COL11A1: variants seen among roughly 807,000 people sequenced by gnomAD.
COL11A1 encodes collagen type XI alpha 1 chain.
COL11A1 carries 74 observed loss-of-function variants against 265.2 expected under a neutral mutation model. The observed-to-expected ratio is 0.28, with a 90% CI of 0.23 to 0.34. The LOEUF (loss-of-function observed/expected upper bound fraction) is 0.34, where lower values mean the gene tolerates loss of function less well. COL11A1 is among the 10% of genes least tolerant of loss of function. The pLI, the probability that COL11A1 is intolerant of heterozygous loss-of-function variation, is 1.00. For missense variants in COL11A1, 2,165 were observed against 2,263.6 expected (o/e 0.96, Z 0.88); for synonymous variants, 816 against 727.6 (o/e 1.12, Z -1.96).
intron 44 of COL11A1, among the ~76,000 whole-genome samples, chr1:102,936,468 T>C (rs1658157953): frequency 6.6e-6 from 1 of 152,148 alleles, no homozygotes; most frequent in Non-Finnish European, 1.5e-5. Context: ...TGTTATTCAA[T>C]ATAAAGGAAG....
rs188974050 is a variant in COL11A1 at position 102,971,259 on chromosome 1, G to A, written c.2809-987C>T. ...TATAAAGGATGCTGTCTTTGTCATG[G>A]CTTAAGAAATAAATGAAGCAATTAA... On this transcript the variant is annotated intron_variant, in intron 36 of 66. Coordinates refer to ENST00000370096, the MANE Select transcript of COL11A1 (RefSeq NM_001854.4). Among the ~76,000 whole-genome samples the A allele has an allele frequency of 1.7e-3, 260 of 152,216 alleles. 1 individual carries two copies. Among genetic ancestry groups the A allele is most frequent in the African/African-American group, 5.5e-3 (230 of 41,540 alleles).
At position 103,015,689 on chromosome 1, in the gene COL11A1, A is replaced by C; in HGVS notation, c.1467T>G (p.Pro489=). Residue 489 remains proline, a synonymous_variant, in exon 12 of 67, where the codon CCT becomes CCG. Coordinates refer to ENST00000370096, the MANE Select transcript of COL11A1 (RefSeq NM_001854.4). ...LPGADGLPGP[P]GTMLMLPFRY... is the part of the protein sequence containing the mutation. ...ATACCGGTAACATCAACATAGTACC[A>C]GGAGGACCAGGTAGACCATCAGCCC... 1 of 1,609,126 alleles carries C rather than the reference A, an allele frequency of 6.2e-7. No individual in the cohort carries two copies. The highest frequency in any genetic ancestry group is 1.7e-5 in the Admixed American group (1 of 59,624).
At chr1:102,933,261 T>C (rs1657714008) in intron 46 of COL11A1, among the ~76,000 whole-genome samples, 1 of 128,264 alleles carries the variant, frequency 7.8e-6, no homozygotes, top group Admixed American at 8.5e-5. Flanking sequence ...GATGTACAGA[T>C]GGGTTTTTGG....
chr1:102,986,536 TTAAAG>T (rs1226825052), intron 30 of COL11A1, among the ~76,000 whole-genome samples: 3 of 152,020 alleles, frequency 2.0e-5, no homozygotes, highest in South Asian at 2.1e-4. Context: ...ACGTTGTGCA[TTAAAG>T]TATAGTAAAA....
Position 102,887,005 on chromosome 1 carries a change from T to A in COL11A1, c.4660A>T (p.Thr1554Ser). ...QPLPILSSKK[T>S]RRHTEGMQAD... ...TGCATGCCTTCAGTATGTCTTCTCGTTTTTTTGGAGGACAAGATTGGTAAA... is the reference window on the plus strand; with the variant it reads ...TGCATGCCTTCAGTATGTCTTCTCGATTTTTTGGAGGACAAGATTGGTAAA... The change falls in exon 63 of 67, where the codon ACG becomes TCG. Residue 1554 changes from threonine (T) to serine (S), a missense_variant. Transcript: ENST00000370096. 1 of 1,613,806 alleles carries A rather than the reference T, an allele frequency of 6.2e-7. No individual in the cohort carries two copies. The highest frequency in any genetic ancestry group is 8.5e-7 in the Non-Finnish European group (1 of 1,179,794).
intron 61 of COL11A1, 33 bp downstream of exon 61, chr1:102,888,690 C>G (rs747193455): frequency 1.9e-6 from 3 of 1,613,614 alleles, no homozygotes; most frequent in African/African-American, 2.7e-5. Context: ...GGTTTCAATG[C>G]AAAATTAAAT....
chr1:102,913,503 T>C (rs1296322877), intron 53 of COL11A1, 134 bp downstream of exon 53: 1 of 780,516 alleles, frequency 1.3e-6, no homozygotes, highest in Non-Finnish European at 2.1e-6. Context: ...ATTCAAAAAT[T>C]TTTTTGATAA....
intron 9 of COL11A1, 152 bp from the exon 10 acceptor site, chr1:103,019,011 G>A: frequency 3.2e-6 from 2 of 627,832 alleles, no homozygotes; most frequent in Non-Finnish European, 2.8e-6. Context: ...TTTGCACAGG[G>A]AAGGAAAGAA....
intron 20 of COL11A1, 130 bp from the exon 21 acceptor site, chr1:103,003,398 G>T: frequency 1.0e-6 from 1 of 961,226 alleles, no homozygotes; most frequent in Non-Finnish European, 1.6e-6. Context: ...TTAACACACT[G>T]AAAGTGATGT....
At chr1:102,989,593 T>TTTTTTTTTTTTTTTC in intron 28 of COL11A1, 22 bp from the exon 29 acceptor site, 1 of 1,565,218 alleles carries the variant, frequency 6.4e-7, no homozygotes, top group Non-Finnish European at 8.8e-7. Context: ...TAAAAGGAAT[T>TTTTTTTTTTTTTTTC]AAATAGGAGT....
chr1:102,950,651 A>G (rs1310471628), intron 41 of COL11A1, among the ~76,000 whole-genome samples: 1 of 152,146 alleles, frequency 6.6e-6, no homozygotes, highest in Non-Finnish European at 1.5e-5. Flanking sequence ...TCACTTCTGA[A>G]TATTTGGTCA....
intron 1 of COL11A1, among the ~76,000 whole-genome samples, chr1:103,098,072 A>C (rs533209312): frequency 6.6e-6 from 1 of 151,912 alleles, no homozygotes; most frequent in Admixed American, 6.6e-5. Flanking sequence ...AAGGCTGTTA[A>C]AAAAAAGATG....
intron 36 of COL11A1, among the ~76,000 whole-genome samples, chr1:102,973,051 G>A (rs950672469): frequency 6.6e-6 from 1 of 151,870 alleles, no homozygotes; most frequent in African/African-American, 2.4e-5. Flanking sequence ...TAATTTACAG[G>A]AAGAGGTTTT....
At chr1:102,908,606 G>A (rs779259367) in intron 54 of COL11A1, among the ~76,000 whole-genome samples, 29 of 152,086 alleles carry the variant, frequency 1.9e-4, no homozygotes, top group Non-Finnish European at 2.5e-4. Flanking sequence ...ATTTCTCCCA[G>A]CAGAATTTTT....
intron 48 of COL11A1, 85 bp downstream of exon 48, chr1:102,921,433 G>T: frequency 9.0e-7 from 1 of 1,114,934 alleles, no homozygotes; most frequent in Non-Finnish European, 1.3e-6. Flanking sequence ...GTTTAATATT[G>T]TTATAACTCA....
chr1:102,967,235 T>A (rs865939113), intron 37 of COL11A1, among the ~76,000 whole-genome samples: 17 of 72,320 alleles, frequency 2.4e-4, no homozygotes, highest in South Asian at 6.1e-4. Context: ...TTCTTTTTTT[T>A]TTTTTTTTTT....
At chr1:102,963,621 A>AT (rs1275560292) in intron 38 of COL11A1, among the ~76,000 whole-genome samples, 5 of 152,072 alleles carry the variant, frequency 3.3e-5, no homozygotes, top group Non-Finnish European at 7.4e-5. Flanking sequence ...AAGTATAAAT[A>AT]TTTTTTTCCT....
intron 54 of COL11A1, among the ~76,000 whole-genome samples, chr1:102,902,094 A>G (rs1006042749): frequency 2.0e-5 from 3 of 152,174 alleles, no homozygotes; most frequent in African/African-American, 7.2e-5. Flanking sequence ...TTGATGAGAG[A>G]GGGATGGCTT....
At position 102,998,283 on chromosome 1, in the gene COL11A1, T is replaced by A. The variant is rs768683939; in HGVS notation, c.2196+27A>T. On this transcript the variant is annotated intron_variant, in intron 25 of 66. Transcript: ENST00000370096. Reference sequence around the variant, plus strand: ...ATTTTTAAAGATAATGTAAAGAAATTTTAATGACCAGGTAGCTGTTACTTA... The same window carrying A: ...ATTTTTAAAGATAATGTAAAGAAATATTAATGACCAGGTAGCTGTTACTTA... 16 of 1,589,292 alleles carry A rather than the reference T, an allele frequency of 1.0e-5. No homozygotes were observed. In the African/African-American group the frequency reaches 2.2e-4, roughly 21 times the overall value.
Sources: gnomAD v4.1 joint callset for allele counts (sites outside exome capture counted in the v4.1 genomes callset) on GRCh38, gnomAD v4.1.1 for gene constraint, MANE v1.5 for transcripts, NCBI Gene and HGNC (gene_info 2026-07-23, HGNC 2026-07-21) for gene names.